PTPN2: variants seen among roughly 807,000 people sequenced by gnomAD.
PTPN2 encodes the protein tyrosine-protein phosphatase non-receptor type 2.
PTPN2 carries 19 observed loss-of-function variants against 57.3 expected under a neutral mutation model. The ratio of observed to expected loss-of-function variants is 0.33; its 90% CI spans 0.23 to 0.49. The LOEUF is 0.49. PTPN2 is among the 20% of genes least tolerant of loss of function. The pLI, the probability that PTPN2 is intolerant of heterozygous loss-of-function variation, is 0.99. For missense variants in PTPN2, 358 were observed against 501.1 expected (o/e 0.71, Z 2.73); for synonymous variants, 153 against 164.9 (o/e 0.93, Z 0.55).
chr18:12,820,263 T>TC (rs988848308), intron 5 of PTPN2, among the ~76,000 whole-genome samples: 1 of 150,574 alleles, frequency 6.6e-6, no homozygotes, highest in African/African-American at 2.5e-5. Flanking sequence ...TTGTTTTTTT[T>TC]CCCCCCTACA....
At position 12,883,764 on chromosome 18, in the gene PTPN2, C is replaced by T. The variant is rs80079774; in HGVS notation, c.69+309G>A. 1,145 of 268,220 alleles carry T rather than the reference C, an allele frequency of 4.3e-3. 21 individuals carry two copies. The highest frequency in any genetic ancestry group is 0.024 in the African/African-American group (1,103 of 45,306). The allele number at this position is 268,220 out of a possible 1,614,324, so 16.6% of individuals were successfully genotyped here. A position where few individuals can be genotyped will look rare whatever the true frequency, so the allele number is the denominator to read the frequency against. On this transcript the variant is annotated intron_variant, in intron 1 of 8. Transcript: ENST00000309660. Reference sequence around the variant, plus strand: ...CCCAAGGACCCCCAGACCCGGGCCGCGCAACGCTGGTGGCGCATCCACGCG... The same window carrying T: ...CCCAAGGACCCCCAGACCCGGGCCGTGCAACGCTGGTGGCGCATCCACGCG...
chr18:12,873,151 G>A (rs1406032929), intron 1 of PTPN2, among the ~76,000 whole-genome samples: 4 of 151,932 alleles, frequency 2.6e-5, no homozygotes, highest in Admixed American at 6.6e-5. Context: ...AACCAGGGAG[G>A]TGGAGGTTGC....
At chr18:12,870,497 A>G (rs1277828709) in intron 1 of PTPN2, among the ~76,000 whole-genome samples, 8 of 95,028 alleles carry the variant, frequency 8.4e-5, no homozygotes, top group Non-Finnish European at 9.4e-5. Context: ...AGAGAGAGAG[A>G]GAAAAGCGTG....
chr18:12,786,182 A>T (rs550629335), intron 9 of PTPN2: 40 of 324,024 alleles, frequency 1.2e-4, no homozygotes, highest in Admixed American at 1.0e-4. Flanking sequence ...AGGTTTTAAA[A>T]ATAATGTACC....
chr18:12,838,506 C>T (rs184595658), intron 2 of PTPN2, among the ~76,000 whole-genome samples: 352 of 152,320 alleles, frequency 2.3e-3, no homozygotes, highest in African/African-American at 7.5e-3. Context: ...CCTCAATGCT[C>T]TATAAGCACA....
chr18:12,800,067 A>G (rs773141145), intron 8 of PTPN2, among the ~76,000 whole-genome samples: 4 of 152,200 alleles, frequency 2.6e-5, no homozygotes, highest in Non-Finnish European at 5.9e-5. Flanking sequence ...AAAGGGAAAG[A>G]AGAAAACACC....
intron 5 of PTPN2, among the ~76,000 whole-genome samples, chr18:12,817,727 G>A (rs1004514599): frequency 2.6e-5 from 4 of 152,236 alleles, no homozygotes; most frequent in African/African-American, 4.8e-5. Flanking sequence ...GAACATGGCA[G>A]AACCAGGATT....
Position 12,836,106 on chromosome 18 carries a change from A to C in PTPN2, c.261+685T>G, listed in dbSNP as rs566032175. 5.3e-5 allele frequency among the ~76,000 whole-genome samples: 8 copies of C among 152,326 alleles called. No homozygotes were observed. In the South Asian group the frequency reaches 1.5e-3, roughly 28 times the overall value. On this transcript the variant is annotated intron_variant, in intron 3 of 8. Coordinates refer to ENST00000309660, the MANE Select transcript of PTPN2 (RefSeq NM_002828.4). Reference sequence around the variant, plus strand: ...CTCAAATATTATGGTATATCTTTTGAATATTTAAAAATCTTTAGGGGGAAA... The same window carrying C: ...CTCAAATATTATGGTATATCTTTTGCATATTTAAAAATCTTTAGGGGGAAA...
At chr18:12,821,929 T>A (rs2145336242) in intron 5 of PTPN2, among the ~76,000 whole-genome samples, 1 of 152,268 alleles carries the variant, frequency 6.6e-6, no homozygotes, top group East Asian at 1.9e-4. Context: ...TGTACTCTTG[T>A]GTAATGGCGG....
chr18:12,791,677 A>C (rs976495500), downstream of PTPN2, among the ~76,000 whole-genome samples: 10 of 152,200 alleles, frequency 6.6e-5, no homozygotes, highest in African/African-American at 2.4e-4. Flanking sequence ...CTTCTCAAGG[A>C]TCTGCTCAGA....
intron 7 of PTPN2, among the ~76,000 whole-genome samples, chr18:12,808,854 T>A (rs2041789750): frequency 6.6e-6 from 1 of 152,150 alleles, no homozygotes; most frequent in Admixed American, 6.6e-5. Flanking sequence ...CAAAAATTTT[T>A]AAAAAGATTT....
At chr18:12,803,007 T>C (rs2041488380) in intron 7 of PTPN2, among the ~76,000 whole-genome samples, 1 of 152,216 alleles carries the variant, frequency 6.6e-6, no homozygotes, top group Non-Finnish European at 1.5e-5. Context: ...ATCTCCATTA[T>C]GAAGGTTAAA....
chr18:12,789,294 G>C (rs2040921025), downstream of PTPN2, among the ~76,000 whole-genome samples: 1 of 152,228 alleles, frequency 6.6e-6, no homozygotes, highest in Non-Finnish European at 1.5e-5. Flanking sequence ...ATAAGGGAAA[G>C]TGGAATTGAA....
intron 2 of PTPN2, among the ~76,000 whole-genome samples, chr18:12,852,191 AACACACACACACACACACACACAC>A (rs139964591): frequency 7.1e-6 from 1 of 140,410 alleles, no homozygotes; most frequent in Non-Finnish European, 1.5e-5. Context: ...ATGGGTTTTT[AACACACACACACACACACACACAC>A]ACACACACAC....
chr18:12,801,776 C>A, intron 8 of PTPN2, 194 bp downstream of exon 8: 1 of 581,624 alleles, frequency 1.7e-6, no homozygotes, highest in Non-Finnish European at 3.0e-6. Flanking sequence ...ACTATGTTGC[C>A]CAGGCTGGTT....
chr18:12,857,396 T>C (rs1250094691), intron 2 of PTPN2, among the ~76,000 whole-genome samples: 1 of 152,290 alleles, frequency 6.6e-6, no homozygotes, highest in South Asian at 2.1e-4. Flanking sequence ...TTGTTTCAGG[T>C]TCCCAGGTGT....
intron 2 of PTPN2, among the ~76,000 whole-genome samples, chr18:12,854,951 G>A (rs1323881476): frequency 6.6e-6 from 1 of 152,274 alleles, no homozygotes; most frequent in East Asian, 1.9e-4. Flanking sequence ...AGGAGTTCGA[G>A]ACCAGCCCAG....
At chr18:12,883,667 C>G (rs562119907) in intron 1 of PTPN2, 1 of 162,264 alleles carries the variant, frequency 6.2e-6, no homozygotes, top group South Asian at 1.7e-4. Context: ...GAGCAAGAAC[C>G]AAGCACAGCG....
At chr18:12,878,651 G>A (rs2044572426) in intron 1 of PTPN2, among the ~76,000 whole-genome samples, 1 of 152,106 alleles carries the variant, frequency 6.6e-6, no homozygotes. Context: ...CAGCCTGGGG[G>A]ACAGAGCAAG....
Sources: allele counts gnomAD v4.1 joint callset (sites outside exome capture counted in the v4.1 genomes callset), GRCh38; gene constraint gnomAD v4.1.1; transcripts MANE v1.5; gene names NCBI Gene and HGNC (gene_info 2026-07-23, HGNC 2026-07-21).